Variants in ATXN2 observed in about 807,000 individuals in gnomAD.
ATXN2 encodes ataxin 2.
In ATXN2, 37 loss-of-function variants were observed where a neutral mutation model predicts 138.6. The ratio of observed to expected loss-of-function variants is 0.27; its 90% CI spans 0.21 to 0.35. The LOEUF (loss-of-function observed/expected upper bound fraction) is 0.35. Among genes scored for constraint, ATXN2 ranks in the 10% least tolerant of loss-of-function variants. The pLI, the probability that ATXN2 is intolerant of heterozygous loss-of-function variation, is 1.00. For missense variants in ATXN2, 1,216 were observed against 1,480.3 expected (o/e 0.82, Z 2.93); for synonymous variants, 549 against 543.7 (o/e 1.01, Z -0.13).
intron 21 of ATXN2, chr12:111,457,938 C>T (rs1875241192): frequency 6.6e-6 from 1 of 152,252 alleles, no homozygotes; most frequent in Non-Finnish European, 1.5e-5. Context: ...GATCTCCCAT[C>T]TTTGCTTTAT....
rs117596429 is a variant in ATXN2, at chr12:111,526,064, A to G, written c.572-748T>C. Among the ~76,000 whole-genome samples the G allele has an allele frequency of 1.6e-3, 249 of 152,068 alleles. 3 individuals carry two copies. In the East Asian group the frequency reaches 0.036, roughly 22 times the overall value. ...TACTCTGCATGTCTCAGAAGTGACC[A>G]AGAAAATTTCTGGCCAGATGTGGTG... On this transcript the variant is annotated intron_variant, in intron 5 of 24. Transcript: ENST00000673436.
chr12:111,482,513 T>TA (rs945058482), intron 18 of ATXN2, among the ~76,000 whole-genome samples: 2 of 152,068 alleles, frequency 1.3e-5, no homozygotes, highest in African/African-American at 4.8e-5. Flanking sequence ...TCATTTCTAT[T>TA]AAAAAGACAG....
At chr12:111,493,007 C>T (rs553505465) in intron 14 of ATXN2, among the ~76,000 whole-genome samples, 1 of 152,162 alleles carries the variant, frequency 6.6e-6, no homozygotes, top group Admixed American at 6.5e-5. Context: ...AAGAATCAAG[C>T]AGAAATCCCA....
At chr12:111,590,688 A>AAAAAAAAACCAC (rs575208285) in intron 1 of ATXN2, among the ~76,000 whole-genome samples, 14,957 of 148,198 alleles carry the variant, frequency 0.1, 2,524 homozygotes, top group African/African-American at 0.35. Context: ...CATCTAATTA[A>AAAAAAAAACCAC]AAAAAAAAAA....
At chr12:111,481,018 A>C (rs1333139928) in intron 18 of ATXN2, among the ~76,000 whole-genome samples, 1 of 152,194 alleles carries the variant, frequency 6.6e-6, no homozygotes, top group East Asian at 1.9e-4. Flanking sequence ...AAGTAAAAAG[A>C]TAACCTATAG....
Position 111,599,050 on chromosome 12 carries a change from C to G in ATXN2, c.-16G>C. ...TCAGCGACATGGTGAGGGGCCCATA[C>G]ACCGGCTCGCACGCCGGGCGGGGAC... is the stretch of plus-strand genomic sequence containing the variant. On this transcript the variant is annotated 5_prime_UTR_variant, in exon 1 of 25. Coordinates refer to ENST00000673436, the MANE Select transcript of ATXN2 (RefSeq NM_001372574.1). The G allele has an allele frequency of 6.9e-7, 1 of 1,454,522 alleles. No individual in the cohort carries two copies. Among genetic ancestry groups the G allele is most frequent in the Non-Finnish European group, 9.1e-7 (1 of 1,104,590 alleles). The allele number at this position is 1,454,522 out of a possible 1,614,324, so 90.1% of individuals were successfully genotyped here.
Position 111,518,267 on chromosome 12 carries a change from G to C in ATXN2, c.1147C>G (p.Gln383Glu). The change falls in exon 9 of 25, where the codon CAA becomes GAA. Residue 383 changes from glutamine to glutamate, a missense_variant. Physicochemically the swap from Gln to Glu is conservative, Grantham distance 29. Transcript: ENST00000673436. ...SDFNPNSGSD[Q>E]RVVNGGVPWP... Reference sequence around the variant, plus strand: ...TACTTGCCTCCATTAACTACTCTTTGGTCTGAACCAGAATTCGGGTTGAAA... The same window carrying C: ...TACTTGCCTCCATTAACTACTCTTTCGTCTGAACCAGAATTCGGGTTGAAA... 1 of 1,605,584 alleles carries C rather than the reference G, an allele frequency of 6.2e-7. No individual in the cohort carries two copies. Among genetic ancestry groups the C allele is most frequent in the Non-Finnish European group, 8.5e-7 (1 of 1,174,470 alleles).
intron 1 of ATXN2, chr12:111,597,697 C>G (rs922477311): frequency 3.9e-6 from 2 of 515,264 alleles, no homozygotes; most frequent in African/African-American, 3.9e-5. Context: ...GAGCCCCCAG[C>G]CCCTACTACA....
intron 1 of ATXN2, among the ~76,000 whole-genome samples, chr12:111,560,935 G>A (rs1221046682): frequency 2.0e-5 from 3 of 152,152 alleles, no homozygotes; most frequent in African/African-American, 7.2e-5. Context: ...GTAAAAGAAG[G>A]TATGATTGGC....
At chr12:111,517,959 A>G in intron 9 of ATXN2, among the ~76,000 whole-genome samples, 1 of 152,146 alleles carries the variant, frequency 6.6e-6, no homozygotes, top group East Asian at 1.9e-4. Context: ...CAATTTCTTT[A>G]TATGTGAAGT....
Position 111,452,751 on chromosome 12 carries a change from A to G in ATXN2, c.*61T>C. 2.0e-6 allele frequency: 3 copies of G among 1,513,372 alleles called. No individual in the cohort carries two copies. The highest frequency in any genetic ancestry group is 1.8e-6 in the Non-Finnish European group (2 of 1,088,908). The allele number at this position is 1,513,372 out of a possible 1,614,324, so 93.7% of individuals were successfully genotyped here. On this transcript the variant is annotated 3_prime_UTR_variant, in exon 25 of 25. Transcript: ENST00000673436. The stretch of plus-strand genomic sequence containing the variant: ...TGAAATTCTAGTTTTCTGTGCTTCC[A>G]GTTGGTAGAAGCAGTAGAAGGGAGG...
intron 6 of ATXN2, among the ~76,000 whole-genome samples, chr12:111,521,867 A>C (rs1880175787): frequency 6.6e-6 from 1 of 152,170 alleles, no homozygotes; most frequent in Non-Finnish European, 1.5e-5. Context: ...AACGTAAAAG[A>C]ATCAACCAAT....
chr12:111,469,689 T>C (rs953003215), intron 20 of ATXN2: 5 of 193,496 alleles, frequency 2.6e-5, no homozygotes, highest in Non-Finnish European at 5.2e-5. Context: ...AAAAAAAATA[T>C]GTAATGCCAG....
intron 14 of ATXN2, among the ~76,000 whole-genome samples, chr12:111,490,310 T>TAGAGTACTGGGCAGATTTATAGTTC (rs1877940084): frequency 6.6e-6 from 1 of 151,670 alleles, no homozygotes; most frequent in Non-Finnish European, 1.5e-5. Context: ...TTAAGTAGGG[T>TAGAGTACTGGGCAGATTTATAGTTC]AGAGTACTGG....
chr12:111,496,720 C>T (rs1387319422), intron 14 of ATXN2, among the ~76,000 whole-genome samples: 6 of 151,776 alleles, frequency 4.0e-5, no homozygotes, highest in Admixed American at 6.6e-5. Context: ...TTATCAAAAC[C>T]TATAGGATAC....
At chr12:111,582,993 GTTTTT>G (rs374845735) in intron 1 of ATXN2, among the ~76,000 whole-genome samples, 2 of 100,070 alleles carry the variant, frequency 2.0e-5, no homozygotes, top group African/African-American at 3.9e-5. Context: ...TTTTTTGTTT[GTTTTT>G]TTTTTTTTTT....
At chr12:111,470,445 C>G (rs1876329013) in intron 19 of ATXN2, 113 bp downstream of exon 19, 1 of 1,269,138 alleles carries the variant, frequency 7.9e-7, no homozygotes, top group East Asian at 2.4e-5. Flanking sequence ...AAGTCCTTAG[C>G]TATCTACCCT....
At chr12:111,483,056 G>T (rs1234573884) in intron 18 of ATXN2, among the ~76,000 whole-genome samples, 1 of 151,762 alleles carries the variant, frequency 6.6e-6, no homozygotes, top group Non-Finnish European at 1.5e-5. Flanking sequence ...GTGTGGTGGT[G>T]TGCACCTGTA....
chr12:111,541,506 C>T (rs1166638161), intron 5 of ATXN2, among the ~76,000 whole-genome samples: 2 of 148,202 alleles, frequency 1.3e-5, no homozygotes, highest in South Asian at 4.3e-4. Flanking sequence ...TATGCGCCAC[C>T]ATGACCGGCT....
Sources: allele counts gnomAD v4.1 joint callset (sites outside exome capture counted in the v4.1 genomes callset), GRCh38; gene constraint gnomAD v4.1.1; transcripts MANE v1.5; gene names NCBI Gene and HGNC (gene_info 2026-07-23, HGNC 2026-07-21).